The following CTNNAL1 variants were observed in gnomAD, a reference collection of about 807,000 sequenced individuals.
CTNNAL1 encodes the protein catenin alpha like 1, also known as alpha-catulin.
CTNNAL1 carries 69 observed loss-of-function variants against 93.6 expected under a neutral mutation model. The observed-to-expected ratio is 0.74, with a 90% CI of 0.61 to 0.90. The LOEUF is 0.90. Among genes scored for constraint, CTNNAL1 ranks in the 40% least tolerant of loss-of-function variants. The probability of loss-of-function intolerance (pLI) is 0.00; values close to 1 mark genes in which losing one functional copy is unlikely to be tolerated. For synonymous variants in CTNNAL1, 286 were observed against 305.4 expected (o/e 0.94, Z 0.66); for missense variants, 836 against 862.0 (o/e 0.97, Z 0.38).
chr9:108,954,505 A>T (rs1447885439), intron 12 of CTNNAL1, among the ~76,000 whole-genome samples: 2 of 152,254 alleles, frequency 1.3e-5, no homozygotes, highest in African/African-American at 4.8e-5. Flanking sequence ...TTACAAAAAC[A>T]GTGAGTCTAT....
At chr9:108,969,214 G>A (rs1009150625) in intron 10 of CTNNAL1, among the ~76,000 whole-genome samples, 2 of 151,528 alleles carry the variant, frequency 1.3e-5, no homozygotes, top group African/African-American at 2.4e-5. Context: ...AGGTTGCAGT[G>A]AGCCAAGATC....
At position 108,979,361 on chromosome 9, in the gene CTNNAL1, C is replaced by T. The variant is rs986233987; in HGVS notation, c.1021G>A (p.Glu341Lys). 2 of 1,614,180 alleles carry T rather than the reference C, an allele frequency of 1.2e-6. No homozygotes were observed. Among genetic ancestry groups the T allele is most frequent in the Non-Finnish European group, 1.7e-6 (2 of 1,180,014 alleles). The change falls in exon 7 of 19, where the codon GAG becomes AAG. Residue 341 changes from glutamate to lysine, a missense_variant. Physicochemically the swap from Glu to Lys is moderately conservative, Grantham distance 56. Coordinates refer to ENST00000325551, the MANE Select transcript of CTNNAL1 (RefSeq NM_003798.4). The part of the protein sequence containing the change: ...DFTDSAYTSH[E>K]HRERILELST... ...AGTTCCAAGATGCGTTCTCTGTGCT[C>T]ATGGCTGGTGTAGGCAGAATCAGTA...
chr9:109,005,810 A>G (rs1827007474), intron 1 of CTNNAL1, among the ~76,000 whole-genome samples: 4 of 152,214 alleles, frequency 2.6e-5, no homozygotes, highest in Admixed American at 6.5e-5. Context: ...CCAAAATATG[A>G]ACTATTGTTC....
intron 2 of CTNNAL1, among the ~76,000 whole-genome samples, chr9:108,994,041 C>T (rs190409701): frequency 1.0e-3 from 154 of 152,174 alleles, no homozygotes; most frequent in African/African-American, 3.5e-3. Flanking sequence ...ACAAGCCTGG[C>T]CAACATGGCG....
chr9:108,992,503 C>G (rs1046810752), intron 3 of CTNNAL1, 129 bp downstream of exon 3: 3 of 1,198,224 alleles, frequency 2.5e-6, no homozygotes, highest in Non-Finnish European at 3.4e-6. Flanking sequence ...CTGCATTGCA[C>G]ATTAATTCCC....
At chr9:108,943,617 G>T in intron 17 of CTNNAL1, 86 bp downstream of exon 17, 2 of 1,102,784 alleles carry the variant, frequency 1.8e-6, no homozygotes, top group Non-Finnish European at 2.6e-6. Flanking sequence ...TTGCCCTTCT[G>T]TGGGTACTAA....
chr9:108,983,270 C>T lies in CTNNAL1; in HGVS notation c.775G>A (p.Glu259Lys). 1 of 1,587,812 alleles carries T rather than the reference C, an allele frequency of 6.3e-7. No homozygotes were observed. Among genetic ancestry groups the T allele is most frequent in the East Asian group, 2.3e-5 (1 of 43,232 alleles). Reference sequence around the variant, plus strand: ...ACTTTCATACGGTCAAATACTCCTTCTTTGTTTTTATGGGCTGATTCGCAG... The same window carrying T: ...ACTTTCATACGGTCAAATACTCCTTTTTTGTTTTTATGGGCTGATTCGCAG... ...PNCESAHKNK[E>K]GVFDRMKVAL... The change falls in exon 6 of 19, where the codon GAA (glutamate) becomes AAA (lysine). Residue 259 changes from glutamate (E) to lysine (K), a missense_variant. By Grantham distance (56) the Glu-to-Lys change is moderately conservative. Transcript: ENST00000325551.
rs534992713 is a variant in CTNNAL1, at chr9:108,980,047, G to T, written c.901-566C>A. ...TGACCCAAACATCCTCTACCAGAGG[G>T]TCTGTATAATCTAAAATGTAAACCA... On this transcript the variant is annotated intron_variant, in intron 6 of 18. Transcript: ENST00000325551. Among the ~76,000 whole-genome samples, 30 of 152,310 alleles carry T rather than the reference G, an allele frequency of 2.0e-4. No homozygotes were observed. The South Asian group carries it at 3.5e-3, about 18-fold the overall frequency.
intron 15 of CTNNAL1, among the ~76,000 whole-genome samples, chr9:108,947,300 A>C (rs139769133): frequency 0.02 from 2,974 of 152,128 alleles, 37 homozygotes; most frequent in Non-Finnish European, 0.025. Context: ...TTTTTAGTGG[A>C]GACAGGGTTC....
At chr9:108,998,108 C>T (rs936376803) in intron 2 of CTNNAL1, among the ~76,000 whole-genome samples, 1 of 152,196 alleles carries the variant, frequency 6.6e-6, no homozygotes, top group African/African-American at 2.4e-5. Context: ...AGCAGGTCTT[C>T]CTAATTCCCT....
chr9:108,988,825 T>C (rs753517477), intron 4 of CTNNAL1, among the ~76,000 whole-genome samples: 11 of 152,220 alleles, frequency 7.2e-5, no homozygotes, highest in Non-Finnish European at 1.2e-4. Flanking sequence ...CCTAGTGTAG[T>C]ATTTGGTTAA....
intron 11 of CTNNAL1, among the ~76,000 whole-genome samples, chr9:108,957,437 T>C (rs1287073212): frequency 1.3e-5 from 2 of 152,176 alleles, no homozygotes; most frequent in African/African-American, 2.4e-5. Flanking sequence ...TTTCAAATTA[T>C]ATATGTGTGT....
chr9:109,011,266 A>T (rs548033201), intron 1 of CTNNAL1, among the ~76,000 whole-genome samples: 262 of 152,248 alleles, frequency 1.7e-3, no homozygotes, highest in African/African-American at 6.1e-3. Flanking sequence ...GTCAATTATG[A>T]GGAATATCAG....
chr9:108,944,433 C>G (rs1455955883), intron 15 of CTNNAL1, among the ~76,000 whole-genome samples: 1 of 152,218 alleles, frequency 6.6e-6, no homozygotes, highest in East Asian at 1.9e-4. Context: ...CTAGGCAAGA[C>G]AAAATTTGTC....
chr9:108,972,864 G>GGAGGA, intron 8 of CTNNAL1, 31 bp from the exon 9 acceptor site: 1 of 142,590 alleles, frequency 7.0e-6, no homozygotes, highest in Non-Finnish European at 1.0e-5. Context: ...GGGGGGGTGG[G>GGAGGA]AGGGTGGAGA....
chr9:108,995,118 A>C (rs1337948489), intron 2 of CTNNAL1, among the ~76,000 whole-genome samples: 1 of 152,218 alleles, frequency 6.6e-6, no homozygotes, highest in African/African-American at 2.4e-5. Flanking sequence ...TTGTGGTTTT[A>C]AGTTGCTAAG....
intron 8 of CTNNAL1, 35 bp from the exon 9 acceptor site, chr9:108,972,868 G>GGGGGGCCCCCTGGT: frequency 9.2e-7 from 1 of 1,092,792 alleles, no homozygotes; most frequent in Non-Finnish European, 1.2e-6. Context: ...GGGTGGGAGG[G>GGGGGGCCCCCTGGT]TGGAGAAGGA....
At chr9:109,008,257 A>G (rs1360543255) in intron 1 of CTNNAL1, among the ~76,000 whole-genome samples, 1 of 149,134 alleles carries the variant, frequency 6.7e-6, no homozygotes, top group Non-Finnish European at 1.5e-5. Context: ...TCCCAGGTTC[A>G]AGCAATTCTT....
intron 9 of CTNNAL1, among the ~76,000 whole-genome samples, chr9:108,972,456 T>C (rs1831140920): frequency 6.6e-6 from 1 of 152,172 alleles, no homozygotes; most frequent in African/African-American, 2.4e-5. Flanking sequence ...GAAAAGAAGA[T>C]TAAGAAGTTC....
Sources: allele counts gnomAD v4.1 joint callset (sites outside exome capture counted in the v4.1 genomes callset), GRCh38; gene constraint gnomAD v4.1.1; transcripts MANE v1.5; gene names NCBI Gene and HGNC (gene_info 2026-07-23, HGNC 2026-07-21).